The following SLC27A2 variants were observed in gnomAD, a reference collection of about 807,000 sequenced individuals.
SLC27A2 encodes long-chain fatty acid transport protein 2.
SLC27A2 carries 54 observed loss-of-function variants against 60.0 expected under a neutral mutation model. The ratio of observed to expected loss-of-function variants is 0.90; its 90% CI spans 0.72 to 1.13. The LOEUF (loss-of-function observed/expected upper bound fraction) is 1.13. SLC27A2 is among the 50% of genes most tolerant of loss of function. The probability of loss-of-function intolerance (pLI) is 0.00; values close to 1 mark genes in which losing one functional copy is unlikely to be tolerated. For missense variants in SLC27A2, 739 were observed against 777.6 expected (o/e 0.95, Z 0.59); for synonymous variants, 297 against 297.6 (o/e 1.00, Z 0.02).
At chr15:50,215,575 C>G (rs1028165683) in intron 4 of SLC27A2, among the ~76,000 whole-genome samples, 11 of 152,106 alleles carry the variant, frequency 7.2e-5, no homozygotes, top group Non-Finnish European at 1.5e-4. Flanking sequence ...TACTATAAGG[C>G]CATAGTCACC....
chr15:50,193,420 T>C (rs2140897346), intron 1 of SLC27A2, among the ~76,000 whole-genome samples: 1 of 152,266 alleles, frequency 6.6e-6, no homozygotes, highest in South Asian at 2.1e-4. Context: ...CAGGGAACAC[T>C]CTTTAAATAG....
At chr15:50,218,805 G>T (rs571523881) in intron 4 of SLC27A2, among the ~76,000 whole-genome samples, 1 of 152,174 alleles carries the variant, frequency 6.6e-6, no homozygotes, top group East Asian at 1.9e-4. Context: ...GAAAACACAG[G>T]ATCAAGGAAA....
In SLC27A2 at chr15:50,182,754, C is replaced by G. The variant is rs150214659; in HGVS notation, c.327C>G (p.Leu109=). ...LGLRQGDCVA[L]LMGNEPAYVW... is the part of the protein sequence containing the mutation. ...TGCGCCAGGGAGACTGCGTGGCGCTCCTTATGGGTAACGAGCCGGCCTACG... is the reference window on the plus strand; with the variant it reads ...TGCGCCAGGGAGACTGCGTGGCGCTGCTTATGGGTAACGAGCCGGCCTACG... The change falls in exon 1 of 10, where the codon CTC becomes CTG. Residue 109 remains leucine (L), a synonymous_variant. Transcript: ENST00000267842. 6.2e-6 allele frequency: 10 copies of G among 1,613,804 alleles called. No homozygotes were observed. Among genetic ancestry groups the G allele is most frequent in the African/African-American group, 1.3e-5 (1 of 74,936 alleles).
chr15:50,207,124 G>A (rs867028121), intron 4 of SLC27A2, among the ~76,000 whole-genome samples: 31 of 152,218 alleles, frequency 2.0e-4, no homozygotes, highest in African/African-American at 7.5e-4. Flanking sequence ...ATCTCCTGGG[G>A]AGTGTGTGTT....
chr15:50,204,857 G>GTGTA (rs2045098132), intron 3 of SLC27A2, among the ~76,000 whole-genome samples: 1 of 147,290 alleles, frequency 6.8e-6, no homozygotes, highest in Non-Finnish European at 1.5e-5. Flanking sequence ...ATGTATGTGT[G>GTGTA]TATATATATA....
At chr15:50,218,405 T>C (rs1341314808) in intron 4 of SLC27A2, among the ~76,000 whole-genome samples, 5 of 151,826 alleles carry the variant, frequency 3.3e-5, no homozygotes, top group Non-Finnish European at 7.4e-5. Context: ...GAGGAAATGA[T>C]CAAAGAAATA....
At chr15:50,214,720 A>G (rs528000273) in intron 4 of SLC27A2, among the ~76,000 whole-genome samples, 2 of 152,218 alleles carry the variant, frequency 1.3e-5, no homozygotes. Context: ...AAATCACATG[A>G]TAATCTCAAT....
At chr15:50,232,804 A>G (rs2045324676) in intron 8 of SLC27A2, among the ~76,000 whole-genome samples, 1 of 152,228 alleles carries the variant, frequency 6.6e-6, no homozygotes, top group African/African-American at 2.4e-5. Flanking sequence ...TCAGACAAGA[A>G]GCAAACCAAA....
At chr15:50,203,592 A>G (rs576312648) in intron 3 of SLC27A2, among the ~76,000 whole-genome samples, 7 of 152,336 alleles carry the variant, frequency 4.6e-5, no homozygotes, top group South Asian at 4.1e-4. Flanking sequence ...TTCATTTTAA[A>G]TAATCATATA....
intron 4 of SLC27A2, 93 bp downstream of exon 4, chr15:50,205,456 A>G (rs2045104856): frequency 7.6e-7 from 1 of 1,307,334 alleles, no homozygotes; most frequent in South Asian, 1.6e-5. Context: ...TGATTTGCAT[A>G]TATCAGTTTT....
chr15:50,235,905 T>G lies in SLC27A2; in HGVS notation c.1687-15T>G. On this transcript the variant is annotated splice_polypyrimidine_tract_variant and intron_variant, in intron 9 of 9. Coordinates refer to ENST00000267842, the MANE Select transcript of SLC27A2 (RefSeq NM_003645.4). ...CAAAATGCAACCAAAATGTGGATTA[T>G]TTGATGTTTTTCAGGACACCATTGA... is the stretch of plus-strand genomic sequence containing the variant. The G allele has an allele frequency of 6.2e-7, 1 of 1,600,226 alleles. No homozygotes were observed. The highest frequency in any genetic ancestry group is 8.5e-7 in the Non-Finnish European group (1 of 1,170,026).
At chr15:50,233,744 T>C (rs2140916211) in intron 8 of SLC27A2, 124 bp from the exon 9 acceptor site, 1 of 789,796 alleles carries the variant, frequency 1.3e-6, no homozygotes, top group Non-Finnish European at 1.9e-6. Context: ...GTATTTTTAA[T>C]AAAAATTCCA....
intron 4 of SLC27A2, among the ~76,000 whole-genome samples, chr15:50,208,479 A>T (rs151106171): frequency 6.6e-6 from 1 of 152,218 alleles, no homozygotes; most frequent in Non-Finnish European, 1.5e-5. Flanking sequence ...CATGGGGTCT[A>T]TGAAGACAAC....
intron 8 of SLC27A2, 60 bp downstream of exon 8, chr15:50,229,102 C>A: frequency 8.3e-7 from 1 of 1,200,722 alleles, no homozygotes; most frequent in Middle Eastern, 1.9e-4. Flanking sequence ...ATTTTGGCCT[C>A]AAGGCGAAGT....
intron 4 of SLC27A2, chr15:50,221,795 A>G (rs1221969262): frequency 2.0e-5 from 3 of 152,248 alleles, no homozygotes; most frequent in African/African-American, 2.4e-5. Context: ...TACAACGTAA[A>G]ATTATACCTA....
At chr15:50,206,486 G>T (rs966371058) in intron 4 of SLC27A2, among the ~76,000 whole-genome samples, 1 of 152,154 alleles carries the variant, frequency 6.6e-6, no homozygotes, top group Non-Finnish European at 1.5e-5. Flanking sequence ...AGTGTCAGAT[G>T]CTCTTCCCCC....
Position 50,182,541 on chromosome 15 carries a change from C to G in SLC27A2, c.114C>G (p.Ala38=), listed in dbSNP as rs762499016. Residue 38 remains alanine, a synonymous_variant, in exon 1 of 10, where the codon GCC becomes GCG. Transcript: ENST00000267842. ...TAGGCTACTTCTTGAAGGTGGCCGC[C>G]GTGGGCCGGAGGGTGCGCAGCTACG... ...QDIGYFLKVA[A]VGRRVRSYGK... is the part of the protein sequence containing the mutation. 1.9e-6 allele frequency: 3 copies of G among 1,612,868 alleles called. No individual in the cohort carries two copies. The highest frequency in any genetic ancestry group is 2.5e-6 in the Non-Finnish European group (3 of 1,179,446).
chr15:50,197,487 T>G lies in SLC27A2; in HGVS notation c.479-13T>G. On this transcript the variant is annotated splice_polypyrimidine_tract_variant and intron_variant, in intron 1 of 9. Coordinates refer to ENST00000267842, the MANE Select transcript of SLC27A2 (RefSeq NM_003645.4). ...GATTTAGTTTGTTTTGATATTTTTC[T>G]TATTAAATTAAGAACTACAAGCAGC... 1 of 1,597,778 alleles carries G rather than the reference T, an allele frequency of 6.3e-7. No individual in the cohort carries two copies. The highest frequency in any genetic ancestry group is 8.6e-7 in the Non-Finnish European group (1 of 1,166,012).
chr15:50,197,599 C>G lies in SLC27A2; in HGVS notation c.578C>G (p.Ser193Cys). ...ACTTCTAACACAGATGGGATTGACT[C>G]TTTCCTGGACAAAGTGGATGAAGTA... Reference protein sequence around the residue: ...SRTSNTDGIDSFLDKVDEVST... With the variant: ...SRTSNTDGIDCFLDKVDEVST... The change falls in exon 2 of 10, where the codon TCT becomes TGT. Residue 193 changes from serine to cysteine, a missense_variant. Ser to Cys is a moderately radical substitution (Grantham distance 112). Transcript: ENST00000267842. 1 of 1,614,036 alleles carries G rather than the reference C, an allele frequency of 6.2e-7. No homozygotes were observed. Among genetic ancestry groups the G allele is most frequent in the Non-Finnish European group, 8.5e-7 (1 of 1,179,940 alleles).
Sources: allele counts gnomAD v4.1 joint callset (sites outside exome capture counted in the v4.1 genomes callset), GRCh38; gene constraint gnomAD v4.1.1; transcripts MANE v1.5; gene names NCBI Gene and HGNC (gene_info 2026-07-23, HGNC 2026-07-21).